Variants in BBX observed in about 807,000 individuals in gnomAD.
The protein encoded by BBX is HMG box transcription factor BBX.
Under a neutral mutation model 100.2 loss-of-function variants are expected in BBX, and 30 were observed. The ratio of observed to expected loss-of-function variants is 0.30; its 90% CI spans 0.22 to 0.41. BBX has a LOEUF of 0.41. Ranked by LOEUF, BBX falls within the 10% of genes least tolerant of loss-of-function variation. BBX has a pLI of 1.00. For missense variants in BBX, 1,023 were observed against 1,129.8 expected, an observed-to-expected ratio of 0.91 and a Z score of 1.35; for synonymous variants, 376 against 388.1, an observed-to-expected ratio of 0.97 and a Z score of 0.37.
chr3:107,763,145 C>G (rs574665058), intron 10 of BBX, among the ~76,000 whole-genome samples: 1 of 152,042 alleles, frequency 6.6e-6, no homozygotes, highest in African/African-American at 2.4e-5. Flanking sequence ...TGAGACACTT[C>G]TGATGCCAAG....
At chr3:107,669,156 G>A (rs1484698963) in intron 3 of BBX, among the ~76,000 whole-genome samples, 2 of 152,122 alleles carry the variant, frequency 1.3e-5, no homozygotes, top group Non-Finnish European at 2.9e-5. Context: ...ACAATAAGAG[G>A]CTGAGTCACA....
At chr3:107,572,992 G>A (rs2051486173) in intron 2 of BBX, among the ~76,000 whole-genome samples, 1 of 152,124 alleles carries the variant, frequency 6.6e-6, no homozygotes, top group South Asian at 2.1e-4. Context: ...AATTAACCAA[G>A]TGAAAACAAT....
At chr3:107,614,874 C>T (rs541190686) in intron 2 of BBX, among the ~76,000 whole-genome samples, 1 of 152,142 alleles carries the variant, frequency 6.6e-6, no homozygotes, top group South Asian at 2.1e-4. Flanking sequence ...ATCAGAATAC[C>T]TTGGAGAAAC....
intron 9 of BBX, 25 bp downstream of exon 9, chr3:107,748,064 T>C: frequency 6.3e-7 from 1 of 1,595,568 alleles, no homozygotes; most frequent in South Asian, 1.1e-5. Flanking sequence ...AAATGCTTTT[T>C]AGGCTAAGAA....
chr3:107,524,808 G>C (rs924805400), intron 1 of BBX, among the ~76,000 whole-genome samples: 1 of 145,664 alleles, frequency 6.9e-6, no homozygotes, highest in East Asian at 2.1e-4. Flanking sequence ...GAGGTGGGGG[G>C]GGGGGCGAAG....
intron 3 of BBX, 36 bp from the exon 4 acceptor site, chr3:107,710,414 CCT>C (rs2061641665): frequency 1.3e-6 from 2 of 1,493,022 alleles, no homozygotes; most frequent in Non-Finnish European, 9.1e-7. Flanking sequence ...TCTTTCTCTC[CCT>C]GTTTCCCTGT....
intron 2 of BBX, among the ~76,000 whole-genome samples, chr3:107,604,116 G>T (rs943291283): frequency 1.3e-5 from 2 of 152,088 alleles, no homozygotes; most frequent in African/African-American, 4.8e-5. Context: ...TTTCCCGAGA[G>T]ATTTTAATTT....
intron 2 of BBX, among the ~76,000 whole-genome samples, chr3:107,564,133 TG>T (rs2050704985): frequency 6.6e-6 from 1 of 152,186 alleles, no homozygotes; most frequent in African/African-American, 2.4e-5. Flanking sequence ...CCATGATAAC[TG>T]GGGTGATTTC....
Position 107,773,102 on chromosome 3 carries a change from C to A in BBX, c.1381C>A (p.Arg461=). The part of the protein sequence containing the change: ...KKKKKKSKMD[R]HGNDKSTPKK... ...GAAAAAGAAGAAAAGCAAAATGGAT[C>A]GACATGGAAATGATAAATCCACACC... The change falls in exon 11 of 18, where the codon CGA becomes AGA. Residue 461 remains arginine, a synonymous_variant. Coordinates refer to ENST00000325805, the MANE Select transcript of BBX (RefSeq NM_001142568.3). This position sits in a 1 kb window ranked among gnomAD's most constrained non-coding sequence, Gnocchi z 4.1. 6.2e-7 allele frequency: 1 copy of A among 1,613,146 alleles called. No individual in the cohort carries two copies. Among genetic ancestry groups the A allele is most frequent in the Non-Finnish European group, 8.5e-7 (1 of 1,179,814 alleles).
chr3:107,701,615 C>G (rs1463015120), intron 3 of BBX, among the ~76,000 whole-genome samples: 1 of 152,140 alleles, frequency 6.6e-6, no homozygotes, highest in Non-Finnish European at 1.5e-5. Flanking sequence ...CATAGCTCAC[C>G]AAGTGCTCAG....
intron 9 of BBX, 72 bp from the exon 10 acceptor site, chr3:107,755,526 A>G: frequency 7.5e-7 from 1 of 1,340,408 alleles, no homozygotes; most frequent in Non-Finnish European, 1.1e-6. Flanking sequence ...AAATTCCTGA[A>G]TGTATATGAA....
At position 107,697,452 on chromosome 3, in the gene BBX, T is replaced by C. The variant is rs555320994; in HGVS notation, c.-9-13000T>C. 1.4e-3 allele frequency among the ~76,000 whole-genome samples: 205 copies of C among 151,850 alleles called. 1 individual carries two copies. The highest frequency in any genetic ancestry group is 2.0e-3 in the Non-Finnish European group (139 of 67,984). On this transcript the variant is annotated intron_variant, in intron 3 of 17. Coordinates refer to ENST00000325805, the MANE Select transcript of BBX (RefSeq NM_001142568.3). Reference sequence around the variant, plus strand: ...TCAGCTGCAGGTCTGTTGGAGTACCTGGCCTTGTGAGGTGTCAGTCTGCCC... The same window carrying C: ...TCAGCTGCAGGTCTGTTGGAGTACCCGGCCTTGTGAGGTGTCAGTCTGCCC...
At chr3:107,536,941 G>C (rs1344497756) in intron 2 of BBX, among the ~76,000 whole-genome samples, 1 of 152,158 alleles carries the variant, frequency 6.6e-6, no homozygotes, top group African/African-American at 2.4e-5. Flanking sequence ...CTGAAAAACT[G>C]GCCAGTTCCA....
At chr3:107,760,673 A>T (rs1042762172) in intron 10 of BBX, among the ~76,000 whole-genome samples, 4 of 150,502 alleles carry the variant, frequency 2.7e-5, no homozygotes, top group African/African-American at 9.8e-5. Flanking sequence ...GAAGGGAGAA[A>T]ATATTAGCAG....
intron 13 of BBX, among the ~76,000 whole-genome samples, chr3:107,781,867 C>T (rs944034844): frequency 6.6e-6 from 1 of 152,072 alleles, no homozygotes. Flanking sequence ...ATGGTTAAGG[C>T]ATTGAGTCTT....
chr3:107,746,589 A>G (rs760473011), intron 8 of BBX, among the ~76,000 whole-genome samples: 41 of 152,116 alleles, frequency 2.7e-4, no homozygotes, highest in Non-Finnish European at 5.3e-4. Flanking sequence ...AGCAGTGAAT[A>G]CAATTAATTA....
At chr3:107,592,750 G>A (rs906438863) in intron 2 of BBX, among the ~76,000 whole-genome samples, 1 of 152,004 alleles carries the variant, frequency 6.6e-6, no homozygotes, top group African/African-American at 2.4e-5. Flanking sequence ...ATTGAATTTG[G>A]GGAGTTTCAG....
intron 2 of BBX, among the ~76,000 whole-genome samples, chr3:107,635,924 A>G (rs983570382): frequency 6.6e-6 from 1 of 151,882 alleles, no homozygotes; most frequent in Non-Finnish European, 1.5e-5. Flanking sequence ...GTTGGCCAGG[A>G]TGGTCTCAGA....
chr3:107,723,141 T>C (rs2062660347), intron 5 of BBX, among the ~76,000 whole-genome samples: 1 of 152,036 alleles, frequency 6.6e-6, no homozygotes, highest in Non-Finnish European at 1.5e-5. Context: ...CTTTATTAAT[T>C]ATACAGACAT....
Sources: gnomAD v4.1 joint callset for allele counts (sites outside exome capture counted in the v4.1 genomes callset) on GRCh38, gnomAD v4.1.1 for gene constraint, Gnocchi (gnomAD v3.1) non-coding constraint, MANE v1.5 for transcripts, NCBI Gene and HGNC (gene_info 2026-07-23, HGNC 2026-07-21) for gene names.